The following SASH1 variants were observed in gnomAD, a reference collection of about 807,000 sequenced individuals.
The protein encoded by SASH1 is SAM and SH3 domain containing 1, also known as SAM and SH3 domain-containing protein 1.
A neutral mutation model predicts 125.2 loss-of-function variants in SASH1; 44 were observed. The observed-to-expected ratio is 0.35, with a 90% CI of 0.28 to 0.45. The LOEUF (loss-of-function observed/expected upper bound fraction) is 0.45, where lower values mean the gene tolerates loss of function less well. Among genes scored for constraint, SASH1 ranks in the 20% least tolerant of loss-of-function variants. SASH1 has a pLI of 1.00. For synonymous variants in SASH1, 639 were observed against 649.1 expected (o/e 0.98, Z 0.24); for missense variants, 1,426 against 1,614.5 (o/e 0.88, Z 2.00).
At chr6:148,443,870 C>A (rs978386505) in intron 4 of SASH1, among the ~76,000 whole-genome samples, 1 of 152,150 alleles carries the variant, frequency 6.6e-6, no homozygotes, top group African/African-American at 2.4e-5. Context: ...TTGCTGGGAG[C>A]CTTGCTGTTG....
At chr6:148,359,671 A>G (rs1782112057) in intron 1 of SASH1, among the ~76,000 whole-genome samples, 1 of 152,238 alleles carries the variant, frequency 6.6e-6, no homozygotes, top group African/African-American at 2.4e-5. Flanking sequence ...TGCTGTGGGT[A>G]AAGTGCTATC....
At chr6:148,221,197 A>T in the SASH1 span, among the ~76,000 whole-genome samples, 1 of 151,580 alleles carries the variant, frequency 6.6e-6, no homozygotes, top group African/African-American at 2.4e-5. Flanking sequence ...GAGGTCATTT[A>T]TTTTTTTTTA....
intron 1 of SASH1, among the ~76,000 whole-genome samples, chr6:148,364,557 TAG>T (rs1782373561): frequency 6.6e-6 from 1 of 152,162 alleles, no homozygotes; most frequent in East Asian, 1.9e-4. Flanking sequence ...TGAGCACGTT[TAG>T]AGTTCACAAT....
At chr6:148,276,831 T>G (rs1779195996) in intron 1 of SASH1, among the ~76,000 whole-genome samples, 2 of 152,062 alleles carry the variant, frequency 1.3e-5, no homozygotes, top group African/African-American at 4.8e-5. Context: ...GCACCTGAAA[T>G]CCAAGCTACT....
chr6:148,220,417 T>A, the SASH1 span, among the ~76,000 whole-genome samples: 1 of 152,200 alleles, frequency 6.6e-6, no homozygotes, highest in East Asian at 1.9e-4. Flanking sequence ...TAATCATCCA[T>A]GACAATCACT....
intron 4 of SASH1, among the ~76,000 whole-genome samples, chr6:148,457,860 G>T (rs1270827430): frequency 1.3e-5 from 2 of 152,202 alleles, no homozygotes; most frequent in Non-Finnish European, 1.5e-5. Context: ...AGAAGAATGT[G>T]TGCCAGCAAA....
intron 1 of SASH1, among the ~76,000 whole-genome samples, chr6:148,387,531 CTTCT>C (rs997959554): frequency 8.0e-5 from 11 of 137,148 alleles, no homozygotes; most frequent in African/African-American, 1.6e-4. Flanking sequence ...TTCTTTCTTT[CTTCT>C]TTCTTTCTTT....
At chr6:148,530,395 A>ATT (rs200244329) in intron 12 of SASH1, among the ~76,000 whole-genome samples, 3 of 148,360 alleles carry the variant, frequency 2.0e-5, no homozygotes, top group African/African-American at 4.9e-5. Context: ...GGAGGAATGA[A>ATT]TTTTTTTTTT....
intron 12 of SASH1, among the ~76,000 whole-genome samples, chr6:148,530,918 T>A (rs1781476090): frequency 6.6e-6 from 1 of 152,184 alleles, no homozygotes; most frequent in Non-Finnish European, 1.5e-5. Flanking sequence ...TTTAGAAAAG[T>A]GAAAGAAGCT....
At chr6:148,209,665 T>C in the SASH1 span, among the ~76,000 whole-genome samples, 5 of 152,332 alleles carry the variant, frequency 3.3e-5, no homozygotes, top group South Asian at 1.0e-3. Context: ...ACAGATTTTG[T>C]ATCCAGCATC....
intron 1 of SASH1, among the ~76,000 whole-genome samples, chr6:148,346,946 C>G (rs181255631): frequency 5.6e-4 from 85 of 152,276 alleles, no homozygotes; most frequent in Middle Eastern, 3.4e-3. Flanking sequence ...CATGTGTAGA[C>G]TTCTATTGAG....
the SASH1 span, among the ~76,000 whole-genome samples, chr6:148,236,516 A>G: frequency 6.6e-6 from 1 of 152,100 alleles, no homozygotes; most frequent in African/African-American, 2.4e-5. Flanking sequence ...CCGGCCTCAC[A>G]CAGTTTATTA....
chr6:148,375,639 C>T lies in SASH1; in HGVS notation c.157-14495C>T, dbSNP rs575572455. Among the ~76,000 whole-genome samples, 4 of 152,194 alleles carry T rather than the reference C, an allele frequency of 2.6e-5. 1 individual carries two copies. Among genetic ancestry groups the T allele is most frequent in the Admixed American group, 6.5e-5 (1 of 15,274 alleles). Reference sequence around the variant, plus strand: ...GAAATAACTTTTCTTCCCCACAAAACGGAAATGAAAGTATGGCCATGATGT... The same window carrying T: ...GAAATAACTTTTCTTCCCCACAAAATGGAAATGAAAGTATGGCCATGATGT... On this transcript the variant is annotated intron_variant, in intron 1 of 19. Coordinates refer to ENST00000367467, the MANE Select transcript of SASH1 (RefSeq NM_015278.5).
intron 1 of SASH1, among the ~76,000 whole-genome samples, chr6:148,335,464 CAAAAAAAAAA>C (rs534202487): frequency 1.3e-5 from 1 of 79,910 alleles, no homozygotes; most frequent in African/African-American, 4.5e-5. Context: ...GACTCTGTCT[CAAAAAAAAAA>C]AAAAAAAAAA....
At chr6:148,393,887 T>A in intron 2 of SASH1, 8 of 130,858 alleles carry the variant, frequency 6.1e-5, no homozygotes, top group Non-Finnish European at 1.2e-4. Flanking sequence ...TCTCTCTCTC[T>A]CTTTTTTTTT....
At chr6:148,368,492 A>C (rs1782565925) in intron 1 of SASH1, among the ~76,000 whole-genome samples, 1 of 152,026 alleles carries the variant, frequency 6.6e-6, no homozygotes, top group Non-Finnish European at 1.5e-5. Flanking sequence ...GCTGGTCTCA[A>C]ACTCCTGACC....
chr6:148,527,988 T>TG (rs373045911), intron 12 of SASH1, among the ~76,000 whole-genome samples: 107 of 115,204 alleles, frequency 9.3e-4, no homozygotes, highest in East Asian at 3.2e-3. Context: ...TTTTTTTTTT[T>TG]GGGGGGGGGG....
At chr6:148,429,803 C>G (rs1374834692) in intron 2 of SASH1, among the ~76,000 whole-genome samples, 1 of 152,034 alleles carries the variant, frequency 6.6e-6, no homozygotes, top group Non-Finnish European at 1.5e-5. Flanking sequence ...CAGTAGTACT[C>G]CCTTGTACAG....
chr6:148,298,667 G>GGA (rs1779831332), intron 1 of SASH1, among the ~76,000 whole-genome samples: 7 of 55,710 alleles, frequency 1.3e-4, no homozygotes, highest in East Asian at 7.9e-4. Context: ...GGGAGGGAGG[G>GGA]AGGAAGGAAG....
Sources: gnomAD v4.1 joint callset for allele counts (sites outside exome capture counted in the v4.1 genomes callset) on GRCh38, gnomAD v4.1.1 for gene constraint, MANE v1.5 for transcripts, NCBI Gene and HGNC (gene_info 2026-07-23, HGNC 2026-07-21) for gene names.